MBD5: variants seen among roughly 807,000 people sequenced by gnomAD.
The protein encoded by MBD5 is methyl-CpG binding domain protein 5, also known as methyl-CpG-binding domain protein 5.
MBD5 carries 13 observed loss-of-function variants against 117.3 expected under a neutral mutation model. The ratio of observed to expected loss-of-function variants is 0.11; its 90% CI spans 0.07 to 0.18. The LOEUF (loss-of-function observed/expected upper bound fraction) is 0.18. Ranked by LOEUF, MBD5 falls within the 10% of genes least tolerant of loss-of-function variation. The pLI is 1.00. For missense variants in MBD5, 1,879 were observed against 2,093.8 expected, an observed-to-expected ratio of 0.90 and a Z score of 2.00; for synonymous variants, 727 against 766.4, an observed-to-expected ratio of 0.95 and a Z score of 0.85.
intron 3 of MBD5, among the ~76,000 whole-genome samples, chr2:148,293,289 A>G (rs66509437): frequency 0.096 from 14,574 of 152,092 alleles, 1,042 homozygotes; most frequent in African/African-American, 0.19. Flanking sequence ...AATGGGTACA[A>G]AAACTATAAA....
At chr2:148,273,951 C>A (rs567072324) in intron 3 of MBD5, among the ~76,000 whole-genome samples, 1 of 152,094 alleles carries the variant, frequency 6.6e-6, no homozygotes, top group Non-Finnish European at 1.5e-5. Flanking sequence ...TTCTTCTTTG[C>A]TATTTTATTT....
chr2:148,388,184 T>G (rs888959420), intron 4 of MBD5, among the ~76,000 whole-genome samples: 1 of 152,196 alleles, frequency 6.6e-6, no homozygotes, highest in Admixed American at 6.5e-5. Context: ...TAAAAGTTTT[T>G]TTCCACACAA....
At chr2:148,226,051 CT>C (rs1699809350) in intron 2 of MBD5, among the ~76,000 whole-genome samples, 1 of 151,790 alleles carries the variant, frequency 6.6e-6, no homozygotes, top group South Asian at 2.1e-4. Context: ...GCCTCTATCT[CT>C]TTCTCTACCT....
chr2:148,493,641 T>G, intron 11 of MBD5, among the ~76,000 whole-genome samples: 1 of 152,304 alleles, frequency 6.6e-6, no homozygotes, highest in East Asian at 1.9e-4. Flanking sequence ...GTCAATACAT[T>G]AATATTTTAG....
At chr2:148,095,652 T>G (rs1435306046) in intron 1 of MBD5, among the ~76,000 whole-genome samples, 1 of 152,108 alleles carries the variant, frequency 6.6e-6, no homozygotes. Context: ...TGTGCACATT[T>G]ATATAGATTA....
intron 4 of MBD5, among the ~76,000 whole-genome samples, chr2:148,400,452 G>A (rs555273587): frequency 6.6e-6 from 1 of 152,254 alleles, no homozygotes; most frequent in Non-Finnish European, 1.5e-5. Flanking sequence ...CTTATTCACT[G>A]ACATAATCAG....
intron 11 of MBD5, among the ~76,000 whole-genome samples, chr2:148,500,277 T>C (rs1476962221): frequency 2.0e-5 from 3 of 151,480 alleles, no homozygotes. Context: ...ATTTTATATA[T>C]GTGTGTGTAA....
At chr2:148,148,724 A>G (rs1010939115) in intron 1 of MBD5, among the ~76,000 whole-genome samples, 4 of 152,006 alleles carry the variant, frequency 2.6e-5, no homozygotes, top group Non-Finnish European at 5.9e-5. Flanking sequence ...TCCCTTATAC[A>G]TTGTCTATAG....
chr2:148,446,273 A>G (rs1366857744), intron 4 of MBD5, among the ~76,000 whole-genome samples: 23 of 152,126 alleles, frequency 1.5e-4, no homozygotes, highest in Admixed American at 1.2e-3. Context: ...TAGGTCTAAC[A>G]TGTAAGTCTT....
At chr2:148,320,681 G>A (rs1211892465) in intron 3 of MBD5, among the ~76,000 whole-genome samples, 1 of 152,058 alleles carries the variant, frequency 6.6e-6, no homozygotes, top group African/African-American at 2.4e-5. Context: ...TTTATTTACT[G>A]ACTTAATCTT....
intron 3 of MBD5, among the ~76,000 whole-genome samples, chr2:148,240,519 G>T (rs1480327940): frequency 6.6e-6 from 1 of 152,036 alleles, no homozygotes; most frequent in African/African-American, 2.4e-5. Flanking sequence ...CAAAGTGCTG[G>T]GATTATAGGC....
In MBD5 at chr2:148,483,088, GTT is replaced by G. The variant is rs5835195; in HGVS notation, c.2519-10_2519-9del. The stretch of plus-strand genomic sequence containing the variant: ...TTCATGATTAATAACTGGGTTTTGT[GTT>G]TTTTTTTTTTTCATTTTAGGCGGTT... On this transcript the variant is annotated intron_variant, in intron 8 of 13. Coordinates refer to ENST00000642680, the MANE Select transcript of MBD5 (RefSeq NM_001378120.1). 6.4e-3 allele frequency: 8,008 copies of G among 1,261,098 alleles called. 1 individual carries two copies. The highest frequency in any genetic ancestry group is 0.013 in the Admixed American group (597 of 47,426). 78.1% of individuals were successfully genotyped at this position (1,261,098 alleles called of 1,614,324 possible).
intron 4 of MBD5, among the ~76,000 whole-genome samples, chr2:148,416,794 C>A (rs535402145): frequency 6.6e-6 from 1 of 152,054 alleles, no homozygotes; most frequent in East Asian, 1.9e-4. Context: ...TCTGAGTATC[C>A]AATGTTCTTT....
chr2:148,106,168 T>A (rs1696368568), intron 1 of MBD5, among the ~76,000 whole-genome samples: 1 of 152,032 alleles, frequency 6.6e-6, no homozygotes, highest in Non-Finnish European at 1.5e-5. Context: ...GTTGTTCAGA[T>A]CTTCTGTATT....
At chr2:148,113,870 T>C (rs1479218810) in intron 1 of MBD5, among the ~76,000 whole-genome samples, 1 of 152,218 alleles carries the variant, frequency 6.6e-6, no homozygotes, top group Non-Finnish European at 1.5e-5. Context: ...ATTTTAGCCC[T>C]CATTCTTCCA....
intron 4 of MBD5, among the ~76,000 whole-genome samples, chr2:148,381,649 AT>A (rs769257682): frequency 6.6e-6 from 1 of 152,178 alleles, no homozygotes; most frequent in African/African-American, 2.4e-5. Context: ...TCCAAGACAC[AT>A]AATTATCAGA....
At chr2:148,116,216 C>CA (rs1696637191) in intron 1 of MBD5, among the ~76,000 whole-genome samples, 3 of 152,022 alleles carry the variant, frequency 2.0e-5, no homozygotes, top group East Asian at 1.9e-4. Context: ...TCCTTCCCCC[C>CA]ACCAAGAGAC....
At chr2:148,503,826 T>A (rs1404520793) in intron 12 of MBD5, among the ~76,000 whole-genome samples, 1 of 152,154 alleles carries the variant, frequency 6.6e-6, no homozygotes, top group Non-Finnish European at 1.5e-5. Flanking sequence ...AAGGTCTGGA[T>A]AAAAGAAGGA....
chr2:148,222,098 A>C (rs1047763367), intron 2 of MBD5, among the ~76,000 whole-genome samples: 2 of 152,014 alleles, frequency 1.3e-5, no homozygotes, highest in Non-Finnish European at 2.9e-5. Context: ...TGGGTTCTCT[A>C]TTCTGTTCCG....
Sources: allele counts gnomAD v4.1 joint callset (sites outside exome capture counted in the v4.1 genomes callset), GRCh38; gene constraint gnomAD v4.1.1; transcripts MANE v1.5; gene names NCBI Gene and HGNC (gene_info 2026-07-23, HGNC 2026-07-21).